SYT9: variants seen among roughly 807,000 people sequenced by gnomAD.
The protein encoded by SYT9 is synaptotagmin-9.
Under a neutral mutation model 48.4 loss-of-function variants are expected in SYT9, and 22 were observed. The observed-to-expected ratio is 0.45, with a 90% CI of 0.32 to 0.65. SYT9 has a LOEUF of 0.65. SYT9 is among the 30% of genes least tolerant of loss of function. The pLI is 0.03. For missense variants in SYT9, 577 were observed against 622.0 expected (o/e 0.93, Z 0.77); for synonymous variants, 265 against 245.0 (o/e 1.08, Z -0.76).
rs111911374 is a variant in SYT9 at position 7,252,137 on chromosome 11, C to T, written c.-50C>T. Reference sequence around the variant, plus strand: ...CGGCTCTGAGCTGGCAGGCGGAGGGCTGTCTCCTGCGCCCGCCTGCCCGGC... The same window carrying T: ...CGGCTCTGAGCTGGCAGGCGGAGGGTTGTCTCCTGCGCCCGCCTGCCCGGC... On this transcript the variant is annotated 5_prime_UTR_variant, in exon 1 of 7. Transcript: ENST00000318881. The surrounding 1 kb of genome is among the most constrained non-coding windows in gnomAD (Gnocchi z 6.3). 133 of 1,367,098 alleles carry T rather than the reference C, an allele frequency of 9.7e-5. No individual in the cohort carries two copies. The African/African-American group carries it at 2.0e-3, about 20-fold the overall frequency. The allele number at this position is 1,367,098 out of a possible 1,614,324, so 84.7% of individuals were successfully genotyped here. A position where few individuals can be genotyped will look rare whatever the true frequency, so the allele number is the denominator to read the frequency against.
intron 3 of SYT9, among the ~76,000 whole-genome samples, chr11:7,319,191 T>C (rs1261907836): frequency 4.1e-4 from 30 of 73,472 alleles, no homozygotes; most frequent in African/African-American, 1.3e-3. Context: ...TTCTTCTTTT[T>C]CTTTTTTTTT....
At chr11:7,411,775 C>G (rs1847140679) in intron 3 of SYT9, among the ~76,000 whole-genome samples, 1 of 152,156 alleles carries the variant, frequency 6.6e-6, no homozygotes, top group Non-Finnish European at 1.5e-5. Flanking sequence ...AAGTTTTCAT[C>G]TATTATTTCA....
At chr11:7,292,935 A>G (rs1303569115) in intron 1 of SYT9, among the ~76,000 whole-genome samples, 2 of 152,206 alleles carry the variant, frequency 1.3e-5, no homozygotes, top group Admixed American at 1.3e-4. Flanking sequence ...CCTTCCTGTT[A>G]GGCAGCAAGT....
chr11:7,368,877 C>G (rs1470385372), intron 3 of SYT9, among the ~76,000 whole-genome samples: 1 of 152,084 alleles, frequency 6.6e-6, no homozygotes, highest in African/African-American at 2.4e-5. Flanking sequence ...TTTATCCAGT[C>G]TGTCATTGAT....
chr11:7,380,583 C>G (rs923340825), intron 3 of SYT9, among the ~76,000 whole-genome samples: 3 of 148,690 alleles, frequency 2.0e-5, no homozygotes, highest in Non-Finnish European at 4.5e-5. Context: ...TTGCACCCAC[C>G]AAAATTTACA....
chr11:7,383,577 T>G (rs1228511229), intron 3 of SYT9, among the ~76,000 whole-genome samples: 2 of 152,166 alleles, frequency 1.3e-5, no homozygotes, highest in East Asian at 3.8e-4. Context: ...GCCTTCCCCT[T>G]GAAAAGTACC....
intron 3 of SYT9, among the ~76,000 whole-genome samples, chr11:7,326,520 C>T (rs2133971610): frequency 6.6e-6 from 1 of 150,704 alleles, no homozygotes; most frequent in South Asian, 2.1e-4. Context: ...CTTTATTAGT[C>T]TTGCTAGCGG....
At chr11:7,442,335 T>C (rs1462226733) in intron 6 of SYT9, among the ~76,000 whole-genome samples, 1 of 152,142 alleles carries the variant, frequency 6.6e-6, no homozygotes, top group Non-Finnish European at 1.5e-5. Flanking sequence ...TTTGGCTCTC[T>C]CCTCCCACTC....
chr11:7,348,131 A>G (rs991356973), intron 3 of SYT9, among the ~76,000 whole-genome samples: 3 of 152,180 alleles, frequency 2.0e-5, no homozygotes, highest in South Asian at 4.1e-4. Flanking sequence ...AGGTCATGCA[A>G]TGTTTAACAA....
intron 1 of SYT9, among the ~76,000 whole-genome samples, chr11:7,289,035 G>A (rs1482186798): frequency 6.6e-6 from 1 of 152,184 alleles, no homozygotes; most frequent in African/African-American, 2.4e-5. Flanking sequence ...GCATCCTCAG[G>A]AGAGCAAATT....
intron 3 of SYT9, among the ~76,000 whole-genome samples, chr11:7,363,190 G>T (rs1256963390): frequency 1.3e-5 from 2 of 151,344 alleles, no homozygotes; most frequent in African/African-American, 4.9e-5. Context: ...TTGGTGTCCT[G>T]GAATCTACTC....
chr11:7,443,283 C>G (rs545238356), intron 6 of SYT9, among the ~76,000 whole-genome samples: 14 of 152,210 alleles, frequency 9.2e-5, no homozygotes, highest in Non-Finnish European at 1.9e-4. Context: ...CCATCCCCCA[C>G]AGAATTTACA....
intron 1 of SYT9, among the ~76,000 whole-genome samples, chr11:7,284,026 T>C (rs551308698): frequency 1.3e-5 from 2 of 152,356 alleles, no homozygotes; most frequent in South Asian, 2.1e-4. Context: ...AATCTTGTCA[T>C]GTTCTAATTG....
chr11:7,263,939 CTG>C (rs751847932), intron 1 of SYT9, among the ~76,000 whole-genome samples: 13 of 152,000 alleles, frequency 8.6e-5, no homozygotes, highest in African/African-American at 2.2e-4. Flanking sequence ...GACAAAATAA[CTG>C]TATGTTTGTA....
rs762368065 is a variant in SYT9 at position 7,313,559 on chromosome 11, G to A, written c.662G>A (p.Cys221Tyr). ...DDGRRSNSKACGKLNFILKYD... is the reference protein window; with the variant it reads ...DDGRRSNSKAYGKLNFILKYD... ...GGGAGACGGAGTAACAGCAAGGCTT[G>A]TGGGAAACTGAACTTCATTTTAAAA... is the stretch of plus-strand genomic sequence containing the variant. Residue 221 changes from cysteine (C) to tyrosine (Y), a missense_variant, in exon 3 of 7, where the codon TGT becomes TAT. Coordinates refer to ENST00000318881, the MANE Select transcript of SYT9 (RefSeq NM_175733.4). 6.2e-7 allele frequency: 1 copy of A among 1,614,154 alleles called. No individual in the cohort carries two copies. The highest frequency in any genetic ancestry group is 8.5e-7 in the Non-Finnish European group (1 of 1,179,998).
At chr11:7,329,388 A>G (rs4758174) in intron 3 of SYT9, among the ~76,000 whole-genome samples, 149,854 of 152,332 alleles carry the variant, frequency 0.98, 73,721 homozygotes, top group East Asian at 1. Context: ...AACTTTGTTC[A>G]TTTGTATAAT....
intron 1 of SYT9, among the ~76,000 whole-genome samples, chr11:7,279,816 G>A (rs1848461682): frequency 6.6e-6 from 1 of 152,230 alleles, no homozygotes; most frequent in Admixed American, 6.5e-5. Context: ...TTGTGACCCA[G>A]AAATTTCTGA....
chr11:7,404,509 T>A (rs1248460556), intron 3 of SYT9, among the ~76,000 whole-genome samples: 1 of 152,192 alleles, frequency 6.6e-6, no homozygotes, highest in Non-Finnish European at 1.5e-5. Context: ...AGAGTATATA[T>A]CTTTAACTTA....
intron 3 of SYT9, among the ~76,000 whole-genome samples, chr11:7,362,949 C>CTTTTTTTTTTTTTTTTTTTTTTTTTTTT (rs35065184): frequency 5.6e-5 from 1 of 17,922 alleles, no homozygotes. Context: ...ATTTATTGGC[C>CTTTTTTTTTTTTTTTTTTTTTTTTTTTT]TTTTTTTTTT....
Sources: allele counts gnomAD v4.1 joint callset (sites outside exome capture counted in the v4.1 genomes callset), GRCh38; gene constraint gnomAD v4.1.1; non-coding constraint Gnocchi (gnomAD v3.1); transcripts MANE v1.5; gene names NCBI Gene and HGNC (gene_info 2026-07-23, HGNC 2026-07-21).